The following USO1 variants were observed in gnomAD, a reference collection of about 807,000 sequenced individuals.
USO1 encodes the protein USO1 vesicle transport factor, also known as general vesicular transport factor p115.
In USO1, 57 loss-of-function variants were observed where a neutral mutation model predicts 124.5. That is an observed-to-expected ratio of 0.46 (90% confidence interval 0.37 to 0.57). USO1 has a LOEUF of 0.57. USO1 is among the 20% of genes least tolerant of loss of function. The pLI is 0.00. For missense variants in USO1, 900 were observed against 1,040.6 expected, an observed-to-expected ratio of 0.86 and a Z score of 1.86; for synonymous variants, 369 against 362.8, an observed-to-expected ratio of 1.02 and a Z score of -0.19.
intron 4 of USO1, among the ~76,000 whole-genome samples, chr4:75,759,516 C>CCA (rs939519203): frequency 2.6e-5 from 4 of 151,548 alleles, no homozygotes; most frequent in African/African-American, 9.7e-5. Flanking sequence ...ACTGCTTGAA[C>CCA]CCAGGAGGTA....
At chr4:75,788,152 T>G (rs1223668097) in intron 10 of USO1, among the ~76,000 whole-genome samples, 1 of 103,870 alleles carries the variant, frequency 9.6e-6, no homozygotes, top group Non-Finnish European at 2.1e-5. Flanking sequence ...ATCCTATATC[T>G]TTATTTATTT....
chr4:75,786,308 G>T (rs888793827), intron 9 of USO1, among the ~76,000 whole-genome samples: 1 of 151,972 alleles, frequency 6.6e-6, no homozygotes, highest in Non-Finnish European at 1.5e-5. Context: ...TAAAATAATG[G>T]TTAATGTTTG....
chr4:75,745,767 G>T (rs943523594), intron 1 of USO1, among the ~76,000 whole-genome samples: 3 of 145,780 alleles, frequency 2.1e-5, no homozygotes, highest in Non-Finnish European at 4.4e-5. Context: ...GGACGTAGTG[G>T]CACATGTTTG....
At chr4:75,744,911 C>G in intron 1 of USO1, 1 of 509,328 alleles carries the variant, frequency 2.0e-6, no homozygotes, top group Non-Finnish European at 3.9e-6. Flanking sequence ...GCATATATTG[C>G]TCTAAAACAA....
At position 75,813,211 on chromosome 4, in the gene USO1, A is replaced by G; in HGVS notation, c.2805A>G (p.Glu935=). The part of the protein sequence containing the change: ...NKLKDLGHPV[E]EEDELESGDQ... Reference sequence around the variant, plus strand: ...AATACGTCTTTTTCCTCTAGGTTGAAGAAGAGGATGAACTTGAATCTGGAG... The same window carrying G: ...AATACGTCTTTTTCCTCTAGGTTGAGGAAGAGGATGAACTTGAATCTGGAG... Residue 935 remains glutamate (E), a synonymous_variant, in exon 24 of 24, where the codon GAA becomes GAG. Coordinates refer to ENST00000514213, the MANE Select transcript of USO1 (RefSeq NM_003715.4). 2 of 1,605,936 alleles carry G rather than the reference A, an allele frequency of 1.2e-6. No individual in the cohort carries two copies. The highest frequency in any genetic ancestry group is 2.7e-5 in the African/African-American group (2 of 74,458).
chr4:75,759,179 C>T (rs1260959104), intron 4 of USO1, among the ~76,000 whole-genome samples: 1 of 135,070 alleles, frequency 7.4e-6, no homozygotes, highest in Admixed American at 7.7e-5. Flanking sequence ...TGTTTTTAGG[C>T]TCTTTAATTT....
At chr4:75,772,545 C>A (rs1237295660) in intron 7 of USO1, among the ~76,000 whole-genome samples, 1 of 152,020 alleles carries the variant, frequency 6.6e-6, no homozygotes, top group Non-Finnish European at 1.5e-5. Flanking sequence ...CCGAGAAGTA[C>A]ATTTTTTATT....
chr4:75,738,615 C>T (rs1290222089), intron 1 of USO1, among the ~76,000 whole-genome samples: 2 of 151,984 alleles, frequency 1.3e-5, no homozygotes, highest in Non-Finnish European at 2.9e-5. Flanking sequence ...GTAGCTGTGA[C>T]CACAGGTGTA....
chr4:75,787,282 A>G, intron 10 of USO1, 80 bp downstream of exon 10: 1 of 1,360,006 alleles, frequency 7.4e-7, no homozygotes, highest in Middle Eastern at 1.9e-4. Context: ...TTGTTGAAGG[A>G]AAAACTACAA....
In USO1 at chr4:75,770,898, A is replaced by C. The variant is rs1436267587; in HGVS notation, c.473A>C (p.Gln158Pro). Residue 158 changes from glutamine to proline, a missense_variant, in exon 6 of 24, where the codon CAA (glutamine) becomes CCA (proline). Physicochemically the swap from Gln to Pro is moderately conservative, Grantham distance 76. Around this residue, in one of 2 missense-constraint regions of USO1, gnomAD observed 538 missense variants for 681.6 expected, o/e 0.79. Transcript: ENST00000514213. ...TTAAAACAACTAGGGCCTCAGGTGC[A>C]ACAAATTATTTTAGTCAGTCCTATG... The part of the protein sequence containing the change: ...SLLKQLGPQV[Q>P]QIILVSPMGV... 3 of 1,613,730 alleles carry C rather than the reference A, an allele frequency of 1.9e-6. No individual in the cohort carries two copies. The highest frequency in any genetic ancestry group is 2.5e-6 in the Non-Finnish European group (3 of 1,179,800).
chr4:75,791,195 A>T (rs529620574), intron 12 of USO1, among the ~76,000 whole-genome samples: 26 of 152,342 alleles, frequency 1.7e-4, no homozygotes, highest in African/African-American at 5.5e-4. Context: ...AGATGCCAGT[A>T]AACAGAATCT....
chr4:75,790,869 C>G (rs1722509389), intron 12 of USO1, 72 bp downstream of exon 12: 1 of 1,392,076 alleles, frequency 7.2e-7, no homozygotes, highest in South Asian at 1.7e-5. Flanking sequence ...TTGATTCTTT[C>G]TTTTTATGCT....
chr4:75,784,709 T>A (rs1722310601), intron 9 of USO1, among the ~76,000 whole-genome samples: 3 of 151,666 alleles, frequency 2.0e-5, no homozygotes, highest in African/African-American at 7.3e-5. Context: ...GAGGATCACT[T>A]AAGCCCAGGA....
At chr4:75,734,180 G>C (rs998674196) in intron 1 of USO1, among the ~76,000 whole-genome samples, 1 of 152,070 alleles carries the variant, frequency 6.6e-6, no homozygotes, top group Non-Finnish European at 1.5e-5. Flanking sequence ...TCCTGACCTC[G>C]TGATCCTCCC....
intron 4 of USO1, among the ~76,000 whole-genome samples, chr4:75,769,411 A>G (rs959832497): frequency 5.9e-5 from 9 of 152,296 alleles, no homozygotes; most frequent in South Asian, 2.1e-4. Context: ...TTTTTCCTCT[A>G]TAAACAATTA....
chr4:75,810,417 A>C lies in USO1; in HGVS notation c.2476-15A>C, dbSNP rs1444686488. The C allele has an allele frequency of 6.3e-7, 1 of 1,591,820 alleles. No individual in the cohort carries two copies. Among genetic ancestry groups the C allele is most frequent in the Admixed American group, 1.8e-5 (1 of 54,542 alleles). On this transcript the variant is annotated splice_polypyrimidine_tract_variant and intron_variant, in intron 21 of 23. Coordinates refer to ENST00000514213, the MANE Select transcript of USO1 (RefSeq NM_003715.4). The stretch of plus-strand genomic sequence containing the variant: ...ATGTTTAAGAGACATCTTTTTTTCC[A>C]ATTTCTAATTTCAGGCAAAATCAGT...
At chr4:75,770,585 T>C in intron 5 of USO1, 46 bp downstream of exon 5, 3 of 1,524,488 alleles carry the variant, frequency 2.0e-6, no homozygotes, top group Non-Finnish European at 2.6e-6. Context: ...TAAGCTGCTT[T>C]TGTTGCCTTT....
At chr4:75,800,878 A>G in intron 16 of USO1, 79 bp downstream of exon 16, 1 of 1,516,208 alleles carries the variant, frequency 6.6e-7, no homozygotes, top group Non-Finnish European at 8.9e-7. Context: ...GGATGCATAC[A>G]GGTTATATGG....
At chr4:75,792,561 G>A (rs981343628) in intron 12 of USO1, among the ~76,000 whole-genome samples, 1 of 151,924 alleles carries the variant, frequency 6.6e-6, no homozygotes, top group East Asian at 1.9e-4. Flanking sequence ...GCCAGGCATG[G>A]TGGCACACAC....
Sources: gnomAD v4.1 joint callset for allele counts (sites outside exome capture counted in the v4.1 genomes callset) on GRCh38, gnomAD v4.1.1 for gene constraint, gnomAD v4.1.1 regional missense constraint, MANE v1.5 for transcripts, NCBI Gene and HGNC (gene_info 2026-07-23, HGNC 2026-07-21) for gene names.